Variants in GDAP2 observed in about 807,000 individuals in gnomAD.
GDAP2 encodes the protein ganglioside-induced differentiation-associated protein 2.
Under a neutral mutation model 67.0 loss-of-function variants are expected in GDAP2, and 51 were observed. The observed-to-expected ratio is 0.76, with a 90% CI of 0.61 to 0.96. The LOEUF is 0.96. GDAP2 is among the 40% of genes least tolerant of loss of function. The pLI is 0.00. For synonymous variants in GDAP2, 203 were observed against 207.3 expected, an observed-to-expected ratio of 0.98 and a Z score of 0.18; for missense variants, 547 against 588.3, an observed-to-expected ratio of 0.93 and a Z score of 0.73.
intron 1 of GDAP2, among the ~76,000 whole-genome samples, chr1:117,920,822 G>A (rs1180862821): frequency 1.3e-5 from 2 of 152,104 alleles, no homozygotes; most frequent in Admixed American, 6.5e-5. Flanking sequence ...TAATGTGGAG[G>A]ATGTACTGAG....
chr1:117,910,982 T>C (rs1356075645), intron 5 of GDAP2, among the ~76,000 whole-genome samples: 1 of 152,250 alleles, frequency 6.6e-6, no homozygotes, highest in Non-Finnish European at 1.5e-5. Flanking sequence ...ATGCTCATCG[T>C]AGTTTATGAC....
chr1:117,925,916 A>G (rs1251396994), intron 1 of GDAP2, among the ~76,000 whole-genome samples: 3 of 152,190 alleles, frequency 2.0e-5, no homozygotes, highest in Non-Finnish European at 4.4e-5. Context: ...CACACGTTTA[A>G]GCCCACCAAA....
At chr1:117,922,844 C>T (rs757075055) in intron 1 of GDAP2, among the ~76,000 whole-genome samples, 8 of 152,204 alleles carry the variant, frequency 5.3e-5, no homozygotes, top group Non-Finnish European at 7.3e-5. Flanking sequence ...GACTAGAATT[C>T]GCCAGGCTGG....
At chr1:117,894,741 T>C (rs567497536) in intron 8 of GDAP2, among the ~76,000 whole-genome samples, 1 of 152,298 alleles carries the variant, frequency 6.6e-6, no homozygotes, top group East Asian at 1.9e-4. Flanking sequence ...TTATTCAACA[T>C]GAATATGTGG....
At chr1:117,876,170 G>C (rs988570210) in intron 13 of GDAP2, among the ~76,000 whole-genome samples, 11 of 152,122 alleles carry the variant, frequency 7.2e-5, no homozygotes, top group African/African-American at 2.7e-4. Flanking sequence ...GGGTGGGGCA[G>C]ATCTCTCATA....
intron 1 of GDAP2, among the ~76,000 whole-genome samples, chr1:117,921,768 A>T (rs1296469540): frequency 6.6e-6 from 1 of 152,244 alleles, no homozygotes; most frequent in Non-Finnish European, 1.5e-5. Flanking sequence ...AGAATACTGT[A>T]GCTACAATGA....
intron 8 of GDAP2, among the ~76,000 whole-genome samples, chr1:117,891,295 G>A (rs1452447382): frequency 6.6e-6 from 1 of 151,538 alleles, no homozygotes; most frequent in Non-Finnish European, 1.5e-5. Context: ...TCTTGAGTAG[G>A]TACCAATGAG....
chr1:117,895,491 A>G (rs2101135149), intron 8 of GDAP2, among the ~76,000 whole-genome samples: 1 of 152,308 alleles, frequency 6.6e-6, no homozygotes, highest in South Asian at 2.1e-4. Flanking sequence ...CAACCCATAA[A>G]AACAAAAGCT....
chr1:117,925,529 G>A (rs547032927), intron 1 of GDAP2, among the ~76,000 whole-genome samples: 7 of 152,234 alleles, frequency 4.6e-5, no homozygotes, highest in Admixed American at 3.9e-4. Context: ...TTTTGATGTA[G>A]TTACTACCTT....
chr1:117,870,904 C>G (rs928150359), intron 13 of GDAP2, among the ~76,000 whole-genome samples: 2 of 152,126 alleles, frequency 1.3e-5, no homozygotes, highest in Admixed American at 1.3e-4. Context: ...TAAATCTTCA[C>G]ATAATGCCAT....
At chr1:117,910,630 T>C (rs1486010289) in intron 5 of GDAP2, among the ~76,000 whole-genome samples, 1 of 152,202 alleles carries the variant, frequency 6.6e-6, no homozygotes, top group East Asian at 1.9e-4. Flanking sequence ...TCTTCGACTT[T>C]AAATTCTAGA....
intron 13 of GDAP2, among the ~76,000 whole-genome samples, chr1:117,876,651 A>G (rs1236005132): frequency 2.6e-5 from 4 of 152,216 alleles, no homozygotes; most frequent in Admixed American, 2.0e-4. Context: ...TTGTATTTAT[A>G]CAAAAATAAA....
intron 5 of GDAP2, among the ~76,000 whole-genome samples, chr1:117,909,499 G>A (rs1455677154): frequency 1.3e-5 from 2 of 152,214 alleles, no homozygotes; most frequent in Non-Finnish European, 2.9e-5. Flanking sequence ...TAAGGACTTC[G>A]AGTTATATCA....
At chr1:117,906,668 T>C in intron 5 of GDAP2, 86 bp from the exon 6 acceptor site, 1 of 721,878 alleles carries the variant, frequency 1.4e-6, no homozygotes, top group East Asian at 2.6e-5. Context: ...GTTTTAGTTT[T>C]GTAATGGATC....
In GDAP2 at chr1:117,912,063, C is replaced by G. The variant is rs2101154973; in HGVS notation, c.490G>C (p.Val164Leu). ...GCAGAATTGATGACACAGAAGCCAA[C>G]AGAAGACATTGACTGCTCTCTGCAA... is the stretch of plus-strand genomic sequence containing the variant. Reference protein sequence around the residue: ...QLAKEQSMSSVGFCVINSAKR... With the variant: ...QLAKEQSMSSLGFCVINSAKR... Residue 164 changes from valine (V) to leucine (L), a missense_variant, in exon 5 of 14, where the codon GTT (valine) becomes CTT (leucine). Transcript: ENST00000369443. The G allele has an allele frequency of 1.2e-6, 2 of 1,609,010 alleles. No homozygotes were observed. Among genetic ancestry groups the G allele is most frequent in the Non-Finnish European group, 1.7e-6 (2 of 1,175,470 alleles).
chr1:117,899,947 A>T (rs1456815762), intron 6 of GDAP2, among the ~76,000 whole-genome samples: 1 of 152,228 alleles, frequency 6.6e-6, no homozygotes, highest in Non-Finnish European at 1.5e-5. Context: ...GGACAATGAA[A>T]TCATTCAAGA....
chr1:117,883,414 G>T, intron 11 of GDAP2, 74 bp downstream of exon 11: 1 of 1,065,560 alleles, frequency 9.4e-7, no homozygotes, highest in Non-Finnish European at 1.4e-6. Flanking sequence ...AGAATACAAA[G>T]CAATGTTTGC....
At chr1:117,903,506 C>A (rs2101144474) in intron 6 of GDAP2, among the ~76,000 whole-genome samples, 1 of 151,680 alleles carries the variant, frequency 6.6e-6, no homozygotes, top group East Asian at 1.9e-4. Context: ...TTTCAATGTT[C>A]TTTTCTACAT....
At chr1:117,895,609 T>G (rs1649236245) in intron 8 of GDAP2, among the ~76,000 whole-genome samples, 1 of 152,154 alleles carries the variant, frequency 6.6e-6, no homozygotes, top group Non-Finnish European at 1.5e-5. Flanking sequence ...ATGAAAAATG[T>G]CCATCAGATG....
Sources: allele counts gnomAD v4.1 joint callset (sites outside exome capture counted in the v4.1 genomes callset), GRCh38; gene constraint gnomAD v4.1.1; transcripts MANE v1.5; gene names NCBI Gene and HGNC (gene_info 2026-07-23, HGNC 2026-07-21).